Variants in ABLIM2 observed in about 807,000 individuals in gnomAD.
ABLIM2 encodes actin binding LIM protein family member 2, also known as actin-binding LIM protein 2.
ABLIM2 carries 53 observed loss-of-function variants against 97.7 expected under a neutral mutation model. The observed-to-expected ratio is 0.54, with a 90% CI of 0.44 to 0.68. The LOEUF is 0.68. Ranked by LOEUF, ABLIM2 falls within the 30% of genes least tolerant of loss-of-function variation. The probability of loss-of-function intolerance (pLI) is 0.00; values close to 1 mark genes in which losing one functional copy is unlikely to be tolerated. For synonymous variants in ABLIM2, 361 were observed against 345.8 expected (o/e 1.04, Z -0.49); for missense variants, 835 against 867.2 (o/e 0.96, Z 0.47).
At chr4:8,039,873 T>TG (rs1787037806) in intron 9 of ABLIM2, among the ~76,000 whole-genome samples, 1 of 127,586 alleles carries the variant, frequency 7.8e-6, no homozygotes. Flanking sequence ...TGCTGATTAC[T>TG]GTTTTTTTTT....
At chr4:7,974,328 A>C (rs1429077907) in intron 20 of ABLIM2, among the ~76,000 whole-genome samples, 118 of 90,688 alleles carry the variant, frequency 1.3e-3, no homozygotes, top group Non-Finnish European at 1.5e-3. Context: ...TCCACCCACC[A>C]ATCCATCCAC....
At chr4:8,142,917 G>A (rs1003696239) in intron 1 of ABLIM2, among the ~76,000 whole-genome samples, 1 of 152,176 alleles carries the variant, frequency 6.6e-6, no homozygotes, top group East Asian at 1.9e-4. Context: ...GGAGGGCGAG[G>A]AAGATAGCTC....
In ABLIM2 at chr4:7,966,796, C is replaced by T. The variant is rs568975356; in HGVS notation, c.*194G>A. On this transcript the variant is annotated 3_prime_UTR_variant, in exon 21 of 21. Coordinates refer to ENST00000447017, the MANE Select transcript of ABLIM2 (RefSeq NM_001130083.2). ...CGGGGAAGGGTGGCGTGAAGCTAGC[C>T]GTCTCGGCCCTAAACTACCGGCAGG... 27 of 571,390 alleles carry T rather than the reference C, an allele frequency of 4.7e-5. No individual in the cohort carries two copies. Among genetic ancestry groups the T allele is most frequent in the South Asian group, 4.6e-4 (20 of 43,606 alleles). The allele number at this position is 571,390 out of a possible 1,614,324, so 35.4% of individuals were successfully genotyped here.
chr4:7,992,781 C>T lies in ABLIM2; in HGVS notation c.1680+85G>A, dbSNP rs2149953927. ...GGGGTCCCCGGGGCCTCTCCTCCTG[C>T]TGTGTGGTCAAGAAGCTGTGGGAAA... On this transcript the variant is annotated intron_variant, in intron 17 of 20. Transcript: ENST00000447017. This position sits in a 1 kb window ranked among gnomAD's most constrained non-coding sequence, Gnocchi z 5.7. The T allele has an allele frequency of 3.4e-6, 5 of 1,479,006 alleles. No individual in the cohort carries two copies. The South Asian group carries it at 4.8e-5, about 14-fold the overall frequency. The allele number at this position is 1,479,006 out of a possible 1,614,324, so 91.6% of individuals were successfully genotyped here. A position where few individuals can be genotyped will look rare whatever the true frequency, so the allele number is the denominator to read the frequency against.
chr4:8,141,923 G>T (rs1359536482), intron 1 of ABLIM2, among the ~76,000 whole-genome samples: 1 of 152,226 alleles, frequency 6.6e-6, no homozygotes, highest in African/African-American at 2.4e-5. Context: ...TGAGAAGAGG[G>T]GGAGGGCCCC....
rs570357882 is a variant in ABLIM2 at position 8,113,782 on chromosome 4, C to T, written c.11-7145G>A. The stretch of plus-strand genomic sequence containing the variant: ...TCTAATAATATTCAGTTTTCTAAGC[C>T]TACACACGCACACATGAACTCCAGA... On this transcript the variant is annotated intron_variant, in intron 1 of 20. Coordinates refer to ENST00000447017, the MANE Select transcript of ABLIM2 (RefSeq NM_001130083.2). The surrounding 1 kb of genome is among the most constrained non-coding windows in gnomAD (Gnocchi z 4.5). Among the ~76,000 whole-genome samples the T allele has an allele frequency of 6.6e-6, 1 of 152,352 alleles. No homozygotes were observed. The highest frequency in any genetic ancestry group is 2.1e-4 in the South Asian group (1 of 4,824).
In ABLIM2 at chr4:8,155,042, A is replaced by G. The variant is rs1714859996; in HGVS notation, c.10+3638T>C. Among the ~76,000 whole-genome samples the G allele has an allele frequency of 1.3e-5, 2 of 152,226 alleles. No individual in the cohort carries two copies. Among genetic ancestry groups the G allele is most frequent in the South Asian group, 2.1e-4 (1 of 4,830 alleles). ...TGGGGGAAACCACCCCTGTGATTCA[A>G]TTATCTCCACCTGGCCCTGCCCTTG... On this transcript the variant is annotated intron_variant, in intron 1 of 20. Coordinates refer to ENST00000447017, the MANE Select transcript of ABLIM2 (RefSeq NM_001130083.2). This position sits in a 1 kb window ranked among gnomAD's most constrained non-coding sequence, Gnocchi z 4.2.
At chr4:7,972,116 G>A (rs1378176436) in intron 20 of ABLIM2, among the ~76,000 whole-genome samples, 1 of 152,160 alleles carries the variant, frequency 6.6e-6, no homozygotes, top group Non-Finnish European at 1.5e-5. Flanking sequence ...TCATAATGAC[G>A]GTGGCCATTG....
chr4:8,110,361 G>A (rs918571481), intron 1 of ABLIM2, among the ~76,000 whole-genome samples: 1 of 152,154 alleles, frequency 6.6e-6, no homozygotes, highest in Non-Finnish European at 1.5e-5. Context: ...CGGGTGGTGG[G>A]GTCAGCTGGC....
chr4:8,064,768 C>T (rs565296489), intron 6 of ABLIM2, among the ~76,000 whole-genome samples: 1 of 152,162 alleles, frequency 6.6e-6, no homozygotes, highest in Admixed American at 6.5e-5. Flanking sequence ...TGGGGACTCA[C>T]GGGGGAGTCT....
At chr4:8,117,940 A>G (rs951728205) in intron 1 of ABLIM2, among the ~76,000 whole-genome samples, 9 of 152,352 alleles carry the variant, frequency 5.9e-5, no homozygotes, top group African/African-American at 2.2e-4. Context: ...AAGGGAATCA[A>G]GCCCCACATT....
chr4:8,064,156 C>G (rs1205526335), intron 6 of ABLIM2, among the ~76,000 whole-genome samples: 3 of 152,248 alleles, frequency 2.0e-5, no homozygotes, highest in South Asian at 4.1e-4. Context: ...ACAAGCGAGA[C>G]ATGCTCTTCT....
At chr4:8,121,540 C>A (rs1234594015) in intron 1 of ABLIM2, among the ~76,000 whole-genome samples, 1 of 152,212 alleles carries the variant, frequency 6.6e-6, no homozygotes, top group East Asian at 1.9e-4. Context: ...CCACCCCCCA[C>A]ACAGAGGCAG....
At chr4:8,102,796 G>T (rs926323318) in intron 2 of ABLIM2, among the ~76,000 whole-genome samples, 1 of 152,218 alleles carries the variant, frequency 6.6e-6, no homozygotes, top group Non-Finnish European at 1.5e-5. Context: ...GGCTCAACTG[G>T]TAATGTGCCC....
At chr4:7,994,776 A>G (rs186771238) in intron 16 of ABLIM2, among the ~76,000 whole-genome samples, 1,766 of 117,230 alleles carry the variant, frequency 0.015, 534 homozygotes, top group South Asian at 0.051. Flanking sequence ...TCCTGACTTC[A>G]TGTCCAAAAC....
intron 17 of ABLIM2, 92 bp from the exon 18 acceptor site, chr4:7,984,985 C>T (rs1019278968): frequency 5.1e-6 from 7 of 1,371,958 alleles, no homozygotes; most frequent in South Asian, 4.0e-5. Context: ...CCTTGGAGGC[C>T]GAGGTCCTCG....
At position 8,120,682 on chromosome 4, in the gene ABLIM2, A is replaced by T. The variant is rs898195628; in HGVS notation, c.11-14045T>A. Among the ~76,000 whole-genome samples, 1 of 152,218 alleles carries T rather than the reference A, an allele frequency of 6.6e-6. No homozygotes were observed. Among genetic ancestry groups the T allele is most frequent in the Non-Finnish European group, 1.5e-5 (1 of 68,046 alleles). Reference sequence around the variant, plus strand: ...TGTCGTGGGAGCATGGGAAACCAGCAGGAGCACTTCTCAGCTTACAGTGCA... The same window carrying T: ...TGTCGTGGGAGCATGGGAAACCAGCTGGAGCACTTCTCAGCTTACAGTGCA... On this transcript the variant is annotated intron_variant, in intron 1 of 20. Coordinates refer to ENST00000447017, the MANE Select transcript of ABLIM2 (RefSeq NM_001130083.2). This position sits in a 1 kb window ranked among gnomAD's most constrained non-coding sequence, Gnocchi z 5.6.
At position 8,008,078 on chromosome 4, in the gene ABLIM2, T is replaced by C; in HGVS notation, c.1599A>G (p.Ala533=). 6.2e-7 allele frequency: 1 copy of C among 1,614,048 alleles called. No homozygotes were observed. Among genetic ancestry groups the C allele is most frequent in the Non-Finnish European group, 8.5e-7 (1 of 1,179,896 alleles). ...GTDRDPLQRM[A]GDSFHSRFPY... ...ACTCACGTGAGTGAAAGCTGTCCCC[T>C]GCCATCCTTTGGAGAGGGTCTCTGT... Residue 533 remains alanine (A), a synonymous_variant, in exon 16 of 21, where the codon GCA becomes GCG. Transcript: ENST00000447017.
Position 8,032,621 on chromosome 4 carries a change from G to C in ABLIM2, c.1048-2845C>G. 4 of 1,612,268 alleles carry C rather than the reference G, an allele frequency of 2.5e-6. No individual in the cohort carries two copies. The South Asian group carries it at 4.4e-5, about 18-fold the overall frequency. ...CCCAGGCAGCAGCGCCACGGCAAGC[G>C]GGGACAGGCGAGAGGGTGGTGGTTA... On this transcript the variant is annotated intron_variant, in intron 10 of 20. Transcript: ENST00000447017. The surrounding 1 kb of genome is among the most constrained non-coding windows in gnomAD (Gnocchi z 4.3).
Sources: gnomAD v4.1 joint callset for allele counts (sites outside exome capture counted in the v4.1 genomes callset) on GRCh38, gnomAD v4.1.1 for gene constraint, Gnocchi (gnomAD v3.1) non-coding constraint, MANE v1.5 for transcripts, NCBI Gene and HGNC (gene_info 2026-07-23, HGNC 2026-07-21) for gene names.